Variants in CNTN5 observed in about 807,000 individuals in gnomAD.
CNTN5 encodes contactin-5.
Under a neutral mutation model 129.1 loss-of-function variants are expected in CNTN5, and 77 were observed. That is an observed-to-expected ratio of 0.60 (90% CI 0.50 to 0.72). The LOEUF (loss-of-function observed/expected upper bound fraction) is 0.72, where lower values mean the gene tolerates loss of function less well. CNTN5 is among the 30% of genes least tolerant of loss of function. The probability of loss-of-function intolerance (pLI) is 0.00; values close to 1 mark genes in which losing one functional copy is unlikely to be tolerated. For synonymous variants in CNTN5, 509 were observed against 465.6 expected, an observed-to-expected ratio of 1.09 and a Z score of -1.20; for missense variants, 1,478 against 1,328.8, an observed-to-expected ratio of 1.11 and a Z score of -1.75.
chr11:99,987,364 A>C (rs2137392133), intron 8 of CNTN5, among the ~76,000 whole-genome samples: 1 of 152,110 alleles, frequency 6.6e-6, no homozygotes, highest in South Asian at 2.1e-4. Flanking sequence ...GTTTTACCAA[A>C]AAAAGAAAAG....
intron 3 of CNTN5, among the ~76,000 whole-genome samples, chr11:99,652,255 A>C (rs1952184325): frequency 6.6e-6 from 1 of 152,058 alleles, no homozygotes; most frequent in Non-Finnish European, 1.5e-5. Flanking sequence ...CTCAGGCCTT[A>C]GTCATATAGC....
rs188004723 is a variant in CNTN5 at position 99,789,209 on chromosome 11, A to G, written c.56-30335A>G. On this transcript the variant is annotated intron_variant, in intron 3 of 24. Coordinates refer to ENST00000524871, the MANE Select transcript of CNTN5 (RefSeq NM_014361.4). ...CAATACAAATTATGATTATGAAACA[A>G]TTTGTAGACTTCCCATTTTGTACCA... Among the ~76,000 whole-genome samples, 65 of 152,096 alleles carry G rather than the reference A, an allele frequency of 4.3e-4. 2 individuals carry two copies. The highest frequency in any genetic ancestry group is 2.6e-3 in the Admixed American group (39 of 15,268).
chr11:100,320,510 T>C (rs1951668279), intron 21 of CNTN5, among the ~76,000 whole-genome samples: 1 of 152,204 alleles, frequency 6.6e-6, no homozygotes, highest in Non-Finnish European at 1.5e-5. Context: ...ACTCTGTTGA[T>C]TGTGGCTTTT....
chr11:99,674,128 T>A (rs939841582), intron 3 of CNTN5, among the ~76,000 whole-genome samples: 1 of 152,210 alleles, frequency 6.6e-6, no homozygotes, highest in Non-Finnish European at 1.5e-5. Context: ...TGTTATTTTT[T>A]GACTTCTTAA....
intron 3 of CNTN5, among the ~76,000 whole-genome samples, chr11:99,708,682 C>T (rs1954850971): frequency 6.6e-6 from 1 of 151,690 alleles, no homozygotes; most frequent in African/African-American, 2.4e-5. Context: ...TCTTTTCTCA[C>T]TGTGGGGTGA....
At chr11:100,314,727 T>C (rs1951543489) in intron 21 of CNTN5, among the ~76,000 whole-genome samples, 1 of 152,124 alleles carries the variant, frequency 6.6e-6, no homozygotes, top group African/African-American at 2.4e-5. Flanking sequence ...CTTAAATCTC[T>C]AACAGCCTTA....
At chr11:99,839,069 A>G (rs186634684) in intron 4 of CNTN5, among the ~76,000 whole-genome samples, 131 of 152,274 alleles carry the variant, frequency 8.6e-4, no homozygotes, top group African/African-American at 2.5e-3. Context: ...TAAAGATGAT[A>G]TAAAAGGCAT....
intron 3 of CNTN5, among the ~76,000 whole-genome samples, chr11:99,693,632 T>G (rs1430491568): frequency 6.6e-6 from 1 of 152,032 alleles, no homozygotes; most frequent in Non-Finnish European, 1.5e-5. Context: ...ACATGGAGTC[T>G]CTGCAAACAT....
chr11:100,278,708 G>A (rs1206540840), intron 18 of CNTN5, among the ~76,000 whole-genome samples: 2 of 151,656 alleles, frequency 1.3e-5, no homozygotes, highest in Non-Finnish European at 3.0e-5. Context: ...TTTTTGATGG[G>A]GTCTTTAGAT....
intron 1 of CNTN5, among the ~76,000 whole-genome samples, chr11:99,261,743 T>A (rs1009477568): frequency 3.3e-5 from 5 of 152,042 alleles, no homozygotes; most frequent in African/African-American, 1.2e-4. Context: ...GATAGGTGTA[T>A]TTGAATTTGA....
chr11:100,269,141 TA>T (rs1950361061), intron 17 of CNTN5, among the ~76,000 whole-genome samples: 1 of 152,058 alleles, frequency 6.6e-6, no homozygotes, highest in Admixed American at 6.6e-5. Flanking sequence ...AAACAGAAGT[TA>T]AGTTTTGAAA....
chr11:100,348,445 G>A (rs750673275), intron 23 of CNTN5, among the ~76,000 whole-genome samples: 4 of 151,828 alleles, frequency 2.6e-5, no homozygotes, highest in Non-Finnish European at 4.4e-5. Flanking sequence ...TTTTTTCCCC[G>A]TCTTTACCTC....
intron 15 of CNTN5, among the ~76,000 whole-genome samples, chr11:100,218,690 C>T (rs972415119): frequency 1.3e-5 from 2 of 152,174 alleles, no homozygotes; most frequent in Non-Finnish European, 2.9e-5. Flanking sequence ...AGAGATAAGA[C>T]TTGAACAAGG....
chr11:100,314,644 A>G (rs879377916), intron 21 of CNTN5, among the ~76,000 whole-genome samples: 2 of 152,096 alleles, frequency 1.3e-5, no homozygotes, highest in African/African-American at 2.4e-5. Flanking sequence ...TTTCTTCTCT[A>G]CTAATTGAGG....
intron 1 of CNTN5, among the ~76,000 whole-genome samples, chr11:99,187,872 G>A (rs928201732): frequency 1.3e-5 from 2 of 149,096 alleles, no homozygotes; most frequent in African/African-American, 4.9e-5. Context: ...AAACCACATA[G>A]CATTATACAT....
At chr11:99,697,109 C>T (rs1954303662) in intron 3 of CNTN5, among the ~76,000 whole-genome samples, 2 of 151,782 alleles carry the variant, frequency 1.3e-5, no homozygotes, top group African/African-American at 4.8e-5. Flanking sequence ...AAATAAATGT[C>T]CTTGAGTCCC....
chr11:99,954,960 A>G (rs1420352883), intron 7 of CNTN5, among the ~76,000 whole-genome samples: 1 of 152,158 alleles, frequency 6.6e-6, no homozygotes, highest in African/African-American at 2.4e-5. Context: ...TTTTTCTCCT[A>G]TTCTAAAAAT....
chr11:99,234,549 C>A (rs542241322), intron 1 of CNTN5, among the ~76,000 whole-genome samples: 2 of 151,780 alleles, frequency 1.3e-5, no homozygotes, highest in East Asian at 3.9e-4. Flanking sequence ...CATATCATAC[C>A]ATTGAAATAA....
At chr11:99,072,354 G>A (rs1366483519) in intron 1 of CNTN5, among the ~76,000 whole-genome samples, 1 of 151,876 alleles carries the variant, frequency 6.6e-6, no homozygotes, top group East Asian at 1.9e-4. Context: ...CTAGCATTAA[G>A]TTTGGAAAAA....
Sources: gnomAD v4.1 joint callset for allele counts (sites outside exome capture counted in the v4.1 genomes callset) on GRCh38, gnomAD v4.1.1 for gene constraint, MANE v1.5 for transcripts, NCBI Gene and HGNC (gene_info 2026-07-23, HGNC 2026-07-21) for gene names.